TAFA5: variants seen among roughly 807,000 people sequenced by gnomAD.
TAFA5 encodes the protein chemokine-like protein TAFA-5.
Under a neutral mutation model 15.3 loss-of-function variants are expected in TAFA5, and 6 were observed. The observed-to-expected ratio is 0.39, with a 90% confidence interval of 0.21 to 0.77. The LOEUF is 0.77. TAFA5 is among the 30% of genes least tolerant of loss of function. TAFA5 has a pLI of 0.41. For missense variants in TAFA5, 161 were observed against 193.1 expected (o/e 0.83, Z 0.98); for synonymous variants, 103 against 80.7 (o/e 1.28, Z -1.48).
intron 1 of TAFA5, among the ~76,000 whole-genome samples, chr22:48,623,839 A>G (rs1925937414): frequency 6.6e-6 from 1 of 152,242 alleles, no homozygotes; most frequent in South Asian, 2.1e-4. Context: ...GAAAACTTGA[A>G]GGCAGTTCAG....
chr22:48,746,218 C>T (rs13053143), intron 3 of TAFA5, among the ~76,000 whole-genome samples: 31,639 of 151,890 alleles, frequency 0.21, 3,515 homozygotes, highest in Admixed American at 0.28. Flanking sequence ...TCAGTGAAGT[C>T]GTCCAGGGCA....
chr22:48,684,394 C>T (rs542882183), intron 2 of TAFA5, among the ~76,000 whole-genome samples: 15 of 152,054 alleles, frequency 9.9e-5, no homozygotes, highest in Non-Finnish European at 1.8e-4. Context: ...CAGGGAAGGG[C>T]GATGGAGTGA....
rs1224626449 is a variant in TAFA5 at position 48,717,302 on chromosome 22, G to T, written c.390+9458G>T. On this transcript the variant is annotated intron_variant, in intron 3 of 3. Transcript: ENST00000402357. ...CTGACCTGGAACTCCATCACTGCTG[G>T]AACGGGCCGTCAAGGGTGCAGGAAG... Among the ~76,000 whole-genome samples, 4 of 152,234 alleles carry T rather than the reference G, an allele frequency of 2.6e-5. No individual in the cohort carries two copies. In the East Asian group the frequency reaches 5.8e-4, roughly 22 times the overall value.
intron 1 of TAFA5, among the ~76,000 whole-genome samples, chr22:48,558,623 T>C (rs966950805): frequency 1.3e-5 from 2 of 152,162 alleles, no homozygotes; most frequent in Non-Finnish European, 2.9e-5. Context: ...GAATATTCAT[T>C]TGGCCAACCA....
At chr22:48,643,095 A>G (rs1926740794) in intron 1 of TAFA5, among the ~76,000 whole-genome samples, 1 of 152,200 alleles carries the variant, frequency 6.6e-6, no homozygotes, top group Non-Finnish European at 1.5e-5. Flanking sequence ...TGCAGGCTCC[A>G]GGCATCCACC....
At chr22:48,736,472 CCGCACTCCT>C (rs2147270563) in intron 3 of TAFA5, among the ~76,000 whole-genome samples, 1 of 1,158 alleles carries the variant, frequency 8.6e-4, no homozygotes, top group East Asian at 0.016. Flanking sequence ...GGAATGAGAA[CCGCACTCCT>C]AGGGTCCATC....
chr22:48,522,512 C>T (rs771658930), intron 1 of TAFA5, among the ~76,000 whole-genome samples: 9 of 152,072 alleles, frequency 5.9e-5, no homozygotes, highest in African/African-American at 1.9e-4. Context: ...ACTCTACACT[C>T]GCGTCCTCCG....
At chr22:48,739,393 C>T (rs1242838797) in intron 3 of TAFA5, among the ~76,000 whole-genome samples, 3 of 152,154 alleles carry the variant, frequency 2.0e-5, no homozygotes, top group Admixed American at 6.5e-5. Flanking sequence ...AAAGAATACA[C>T]GCCTTCCTTT....
chr22:48,532,517 GAT>G (rs1219856370), intron 1 of TAFA5, among the ~76,000 whole-genome samples: 4 of 152,204 alleles, frequency 2.6e-5, no homozygotes, highest in African/African-American at 9.6e-5. Context: ...AAAATATTGG[GAT>G]CAGTCAACGA....
chr22:48,733,274 AG>A (rs1458317069), intron 3 of TAFA5, among the ~76,000 whole-genome samples: 2 of 152,250 alleles, frequency 1.3e-5, no homozygotes, highest in Admixed American at 1.3e-4. Flanking sequence ...AAAGCACCAA[AG>A]CCACAGACCT....
chr22:48,687,583 CTCAG>C (rs1437924402), intron 2 of TAFA5, among the ~76,000 whole-genome samples: 2 of 152,138 alleles, frequency 1.3e-5, no homozygotes, highest in Non-Finnish European at 2.9e-5. Flanking sequence ...AGTCAGAGTT[CTCAG>C]CCTCCGTGTT....
intron 1 of TAFA5, among the ~76,000 whole-genome samples, chr22:48,513,860 T>C (rs144568291): frequency 5.3e-5 from 8 of 152,252 alleles, no homozygotes; most frequent in African/African-American, 1.9e-4. Context: ...CTGGGCGCTG[T>C]GGGGGCCAAG....
At chr22:48,638,387 G>A (rs113153521) in intron 1 of TAFA5, among the ~76,000 whole-genome samples, 55 of 83,872 alleles carry the variant, frequency 6.6e-4, no homozygotes, top group South Asian at 1.4e-3. Context: ...CTGGGACACC[G>A]CACACAGGGG....
chr22:48,725,379 T>C (rs918939875), intron 3 of TAFA5, among the ~76,000 whole-genome samples: 3 of 152,238 alleles, frequency 2.0e-5, no homozygotes, highest in East Asian at 1.9e-4. Context: ...GCACTATCTA[T>C]GGAAAGCAAT....
chr22:48,536,737 A>G (rs1922179696), intron 1 of TAFA5, among the ~76,000 whole-genome samples: 1 of 152,132 alleles, frequency 6.6e-6, no homozygotes, highest in African/African-American at 2.4e-5. Flanking sequence ...GTTTGCAGCC[A>G]CCCATGGGCA....
intron 1 of TAFA5, among the ~76,000 whole-genome samples, chr22:48,646,177 T>C (rs1442368469): frequency 6.6e-6 from 1 of 152,124 alleles, no homozygotes; most frequent in Admixed American, 6.5e-5. Context: ...CTGGGGCCAG[T>C]GTGCTGGCAC....
At position 48,566,150 on chromosome 22, in the gene TAFA5, G is replaced by A. The variant is rs1376890671; in HGVS notation, c.112+76446G>A. Reference sequence around the variant, plus strand: ...ATGGATGATGAATGGATGATGGGTGGACAATGAATGGATGGTGATGGGTGG... The same window carrying A: ...ATGGATGATGAATGGATGATGGGTGAACAATGAATGGATGGTGATGGGTGG... On this transcript the variant is annotated intron_variant, in intron 1 of 3. Coordinates refer to ENST00000402357, the MANE Select transcript of TAFA5 (RefSeq NM_001082967.3). The surrounding 1 kb of genome is among the most constrained non-coding windows in gnomAD (Gnocchi z 4.5). Among the ~76,000 whole-genome samples, 2 of 151,700 alleles carry A rather than the reference G, an allele frequency of 1.3e-5. No individual in the cohort carries two copies. Among genetic ancestry groups the A allele is most frequent in the Non-Finnish European group, 2.9e-5 (2 of 67,898 alleles).
In TAFA5 at chr22:48,574,179, C is replaced by T. The variant is rs77683362; in HGVS notation, c.113-72418C>T. On this transcript the variant is annotated intron_variant, in intron 1 of 3. Transcript: ENST00000402357. ...TGAGCAGAGAGAATGGCTAGTCCCT[C>T]CCAGGGCAGATCCACAGCTGCTTAG... 0.014 allele frequency among the ~76,000 whole-genome samples: 2,129 copies of T among 152,334 alleles called. 132 individuals are homozygous for T. In the East Asian group the frequency reaches 0.22, roughly 16 times the overall value.
At chr22:48,575,641 G>T (rs1923748039) in intron 1 of TAFA5, among the ~76,000 whole-genome samples, 1 of 146,136 alleles carries the variant, frequency 6.8e-6, no homozygotes, top group South Asian at 2.1e-4. Flanking sequence ...GCCCAGCGTG[G>T]GCAGCCCAGG....
Sources: gnomAD v4.1 joint callset for allele counts (sites outside exome capture counted in the v4.1 genomes callset) on GRCh38, gnomAD v4.1.1 for gene constraint, Gnocchi (gnomAD v3.1) non-coding constraint, MANE v1.5 for transcripts, NCBI Gene and HGNC (gene_info 2026-07-23, HGNC 2026-07-21) for gene names.